OPALIN: variants seen among roughly 807,000 people sequenced by gnomAD.
OPALIN encodes the protein transmembrane protein 10.
OPALIN carries 15 observed loss-of-function variants against 17.8 expected under a neutral mutation model. That is an observed-to-expected ratio of 0.84 (90% CI 0.56 to 1.29). The LOEUF (loss-of-function observed/expected upper bound fraction) is 1.29. OPALIN is among the 50% of genes most tolerant of loss of function. The pLI is 0.00. For missense variants in OPALIN, 170 were observed against 176.0 expected, an observed-to-expected ratio of 0.97 and a Z score of 0.19; for synonymous variants, 62 against 63.8, an observed-to-expected ratio of 0.97 and a Z score of 0.14.
chr10:96,351,825 A>C (rs186090485), intron 2 of OPALIN, among the ~76,000 whole-genome samples: 1 of 152,304 alleles, frequency 6.6e-6, no homozygotes, highest in African/African-American at 2.4e-5. Context: ...TATGTGATGA[A>C]ACAAATGGCA....
intron 3 of OPALIN, among the ~76,000 whole-genome samples, chr10:96,350,734 C>T (rs2134019443): frequency 6.6e-6 from 1 of 152,258 alleles, no homozygotes; most frequent in Non-Finnish European, 1.5e-5. Flanking sequence ...ATGCATTAAC[C>T]TATTAATTTT....
In OPALIN at chr10:96,346,095, T is replaced by A; in HGVS notation, c.272A>T (p.His91Leu). The change falls in exon 6 of 6, where the codon CAT becomes CTT. Residue 91 changes from histidine (H) to leucine (L), a missense_variant. Physicochemically the swap from His to Leu is moderately conservative, Grantham distance 99 (BLOSUM62 -3). Coordinates refer to ENST00000371172, the MANE Select transcript of OPALIN (RefSeq NM_033207.5). ...TTGTGCTCCCATCGTATTCTTCTCA[T>A]GTGTGGGTGATCTCCTAGGATTCTT... Reference protein sequence around the residue: ...ISENPRRSPTHEKNTMGAQEA... With the variant: ...ISENPRRSPTLEKNTMGAQEA... The A allele has an allele frequency of 6.2e-7, 1 of 1,614,038 alleles. No individual in the cohort carries two copies. The highest frequency in any genetic ancestry group is 8.5e-7 in the Non-Finnish European group (1 of 1,179,940).
At chr10:96,350,919 T>G (rs1310993489) in intron 3 of OPALIN, among the ~76,000 whole-genome samples, 1 of 33,228 alleles carries the variant, frequency 3.0e-5, no homozygotes, top group Non-Finnish European at 6.2e-5. Flanking sequence ...GAAATTGATT[T>G]TATTGAAGAA....
At chr10:96,357,734 T>C (rs1388851622) in intron 1 of OPALIN, among the ~76,000 whole-genome samples, 1 of 152,204 alleles carries the variant, frequency 6.6e-6, no homozygotes, top group Non-Finnish European at 1.5e-5. Flanking sequence ...AGCATATTCT[T>C]TATGGCCTGG....
chr10:96,356,886 C>T (rs1422983043), intron 1 of OPALIN: 3 of 985,266 alleles, frequency 3.0e-6, no homozygotes, highest in Non-Finnish European at 3.6e-6. Flanking sequence ...CAAGTCCAAA[C>T]AACTACTTAG....
rs191382229 is a variant in OPALIN, at chr10:96,344,001, A to G, written c.*1940T>C. ...AACCAGGCTGCCTGGAAGCCTCCTC[A>G]TGGGAGTGAAAGTGAAAGCCTGTCC... is the stretch of plus-strand genomic sequence containing the variant. On this transcript the variant is annotated 3_prime_UTR_variant, in exon 6 of 6. Transcript: ENST00000371172. 7.9e-5 allele frequency: 12 copies of G among 152,390 alleles called. No homozygotes were observed. The highest frequency in any genetic ancestry group is 2.6e-4 in the African/African-American group (11 of 41,574). 9.4% of individuals were successfully genotyped at this position (152,390 alleles called of 1,614,324 possible). A position where few individuals can be genotyped will look rare whatever the true frequency, so the allele number is the denominator to read the frequency against.
chr10:96,355,303 A>G lies in OPALIN; in HGVS notation c.4-13T>C. 6.2e-7 allele frequency: 1 copy of G among 1,613,646 alleles called. No individual in the cohort carries two copies. Among genetic ancestry groups the G allele is most frequent in the Non-Finnish European group, 8.5e-7 (1 of 1,179,722 alleles). ...TCAGTGAAAAACTCTGCAAGATAGA[A>G]GTAAACATTAAAGCTCCCAGGGATG... On this transcript the variant is annotated splice_polypyrimidine_tract_variant and intron_variant, in intron 1 of 5. Transcript: ENST00000371172.
At chr10:96,358,708 T>C (rs1277535922) in intron 1 of OPALIN, among the ~76,000 whole-genome samples, 186 bp downstream of exon 1, 1 of 152,202 alleles carries the variant, frequency 6.6e-6, no homozygotes, top group African/African-American at 2.4e-5. Context: ...CAAACCTTAA[T>C]ACCAAAATGA....
chr10:96,358,857 A>C lies in OPALIN; in HGVS notation c.3+37T>G, dbSNP rs1845912563. The C allele has an allele frequency of 1.9e-6, 3 of 1,611,364 alleles. No individual in the cohort carries two copies. The African/African-American group carries it at 4.0e-5, about 22-fold the overall frequency. On this transcript the variant is annotated intron_variant, in intron 1 of 5. Coordinates refer to ENST00000371172, the MANE Select transcript of OPALIN (RefSeq NM_033207.5). ...TGGAGGTTTTTTATAGTAAGAAATGAAAGTTCGATTGAGAAGAGATGCCAG... is the reference window on the plus strand; with the variant it reads ...TGGAGGTTTTTTATAGTAAGAAATGCAAGTTCGATTGAGAAGAGATGCCAG...
intron 3 of OPALIN, 71 bp from the exon 4 acceptor site, chr10:96,349,897 G>A: frequency 2.8e-6 from 4 of 1,452,140 alleles, no homozygotes; most frequent in Non-Finnish European, 2.7e-6. Flanking sequence ...AAATTCAATA[G>A]AATAAAAATA....
At chr10:96,358,772 G>A (rs1264050515) in intron 1 of OPALIN, 122 bp downstream of exon 1, 2 of 1,001,454 alleles carry the variant, frequency 2.0e-6, no homozygotes, top group Admixed American at 3.7e-5. Flanking sequence ...TTGGTATTTT[G>A]CATATAGGAA....
rs1289792307 is a variant in OPALIN at position 96,343,830 on chromosome 10, T to C, written c.*2111A>G. On this transcript the variant is annotated 3_prime_UTR_variant, in exon 6 of 6. Transcript: ENST00000371172. ...CAGGGAAGAGGGGCATGTTTCTGAG[T>C]AATCAGAAGCCCTGTGTGAGAAAGG... 6.6e-6 allele frequency: 1 copy of C among 152,220 alleles called. No homozygotes were observed. Among genetic ancestry groups the C allele is most frequent in the East Asian group, 1.9e-4 (1 of 5,190 alleles). The allele number at this position is 152,220 out of a possible 1,614,324, so 9.4% of individuals were successfully genotyped here.
In OPALIN at chr10:96,351,451, T is replaced by C. The variant is rs772324510; in HGVS notation, c.40-41A>G. 7 of 1,334,560 alleles carry C rather than the reference T, an allele frequency of 5.2e-6. No homozygotes were observed. In the East Asian group the frequency reaches 9.9e-5, roughly 19 times the overall value. The allele number at this position is 1,334,560 out of a possible 1,614,324, so 82.7% of individuals were successfully genotyped here. ...ACATATATTGTAAAAGAACAAAAAG[T>C]CTATAGAATATACATTATACAAGAC... On this transcript the variant is annotated intron_variant, in intron 2 of 5. Transcript: ENST00000371172.
At chr10:96,357,958 G>A (rs992605370) in intron 1 of OPALIN, among the ~76,000 whole-genome samples, 4 of 152,006 alleles carry the variant, frequency 2.6e-5, no homozygotes, top group African/African-American at 9.7e-5. Flanking sequence ...AGAGGAAGGA[G>A]GAAGAGACAG....
intron 3 of OPALIN, 119 bp from the exon 4 acceptor site, chr10:96,349,945 A>G: frequency 8.9e-7 from 1 of 1,118,952 alleles, no homozygotes; most frequent in East Asian, 2.6e-5. Flanking sequence ...CGTCATATAC[A>G]AAATCAAAAG....
In OPALIN at chr10:96,358,785, T is replaced by C. The variant is rs867459520; in HGVS notation, c.3+109A>G. 4.4e-6 allele frequency: 5 copies of C among 1,144,172 alleles called. No individual in the cohort carries two copies. The Middle Eastern group carries it at 7.9e-4, about 180-fold the overall frequency. 70.9% of individuals were successfully genotyped at this position (1,144,172 alleles called of 1,614,324 possible). A position where few individuals can be genotyped will look rare whatever the true frequency, so the allele number is the denominator to read the frequency against. ...TATTGGTATTTTGCATATAGGAAAA[T>C]AATTTAAAATAAAGTCCCTTTACTT... On this transcript the variant is annotated intron_variant, in intron 1 of 5. Coordinates refer to ENST00000371172, the MANE Select transcript of OPALIN (RefSeq NM_033207.5).
At chr10:96,347,336 C>A (rs1397091123) in intron 5 of OPALIN, among the ~76,000 whole-genome samples, 4 of 152,104 alleles carry the variant, frequency 2.6e-5, no homozygotes, top group Non-Finnish European at 5.9e-5. Context: ...TCAGGTGATC[C>A]ACCTGCCTTG....
At position 96,345,139 on chromosome 10, in the gene OPALIN, T is replaced by C. The variant is rs1415481160; in HGVS notation, c.*802A>G. On this transcript the variant is annotated 3_prime_UTR_variant, in exon 6 of 6. Coordinates refer to ENST00000371172, the MANE Select transcript of OPALIN (RefSeq NM_033207.5). ...ACTATGGGGAACAAATGCTGGTGAT[T>C]AGCTGTTTTATCAGGCAAGCAATAT... is the stretch of plus-strand genomic sequence containing the variant. The C allele has an allele frequency of 6.6e-6, 1 of 152,184 alleles. No individual in the cohort carries two copies. The highest frequency in any genetic ancestry group is 2.4e-5 in the African/African-American group (1 of 41,434). 9.4% of individuals were successfully genotyped at this position (152,184 alleles called of 1,614,324 possible). A position where few individuals can be genotyped will look rare whatever the true frequency, so the allele number is the denominator to read the frequency against.
chr10:96,354,528 T>C (rs1845722525), intron 2 of OPALIN, among the ~76,000 whole-genome samples: 1 of 152,216 alleles, frequency 6.6e-6, no homozygotes, highest in Non-Finnish European at 1.5e-5. Flanking sequence ...ATTAACCATA[T>C]AACAGTTATG....
Sources: gnomAD v4.1 joint callset for allele counts (sites outside exome capture counted in the v4.1 genomes callset) on GRCh38, gnomAD v4.1.1 for gene constraint, MANE v1.5 for transcripts, NCBI Gene and HGNC (gene_info 2026-07-23, HGNC 2026-07-21) for gene names.